Variants in ZNF445 observed in about 807,000 individuals in gnomAD.
The protein encoded by ZNF445 is zinc finger protein 445.
A neutral mutation model predicts 93.9 loss-of-function variants in ZNF445; 19 were observed. That is an observed-to-expected ratio of 0.20 (90% CI 0.14 to 0.30). The LOEUF (loss-of-function observed/expected upper bound fraction) is 0.30, where lower values mean the gene tolerates loss of function less well. ZNF445 is among the 10% of genes least tolerant of loss of function. The pLI is 1.00. For synonymous variants in ZNF445, 449 were observed against 446.3 expected (o/e 1.01, Z -0.08); for missense variants, 1,058 against 1,259.4 (o/e 0.84, Z 2.42).
At chr3:44,465,923 C>A (rs951344188) in intron 1 of ZNF445, among the ~76,000 whole-genome samples, 4 of 151,832 alleles carry the variant, frequency 2.6e-5, no homozygotes, top group Non-Finnish European at 1.5e-5. Flanking sequence ...CAAAAAAAAA[C>A]CAAAAAACAA....
At position 44,440,377 on chromosome 3, in the gene ZNF445, T is replaced by A. The variant is rs915207297; in HGVS notation, c.*6198A>T. The stretch of plus-strand genomic sequence containing the variant: ...GGATCCCATTTCTTCATTAAAATTA[T>A]GAGTTTACAGCTTCTGGCTTCACTT... On this transcript the variant is annotated 3_prime_UTR_variant, in exon 8 of 8. Transcript: ENST00000396077. 1 of 152,240 alleles carries A rather than the reference T, an allele frequency of 6.6e-6. No homozygotes were observed. The highest frequency in any genetic ancestry group is 2.4e-5 in the African/African-American group (1 of 41,468). 9.4% of individuals were successfully genotyped at this position (152,240 alleles called of 1,614,324 possible). A position where few individuals can be genotyped will look rare whatever the true frequency, so the allele number is the denominator to read the frequency against.
chr3:44,452,822 A>G (rs1041225513), intron 3 of ZNF445, among the ~76,000 whole-genome samples: 5 of 151,546 alleles, frequency 3.3e-5, no homozygotes, highest in African/African-American at 1.2e-4. Flanking sequence ...ATTTATTACC[A>G]TTTACTGCTG....
chr3:44,440,466 G>A lies in ZNF445; in HGVS notation c.*6109C>T, dbSNP rs1175112404. On this transcript the variant is annotated 3_prime_UTR_variant, in exon 8 of 8. Transcript: ENST00000396077. Reference sequence around the variant, plus strand: ...AGGAGCTTATAATTTCCTATAAAGTGCATGTCTTGGTGACTGTGCGTCAGT... The same window carrying A: ...AGGAGCTTATAATTTCCTATAAAGTACATGTCTTGGTGACTGTGCGTCAGT... The A allele has an allele frequency of 6.6e-6, 1 of 152,150 alleles. No homozygotes were observed. Among genetic ancestry groups the A allele is most frequent in the African/African-American group, 2.4e-5 (1 of 41,428 alleles). 9.4% of individuals were successfully genotyped at this position (152,150 alleles called of 1,614,324 possible).
In ZNF445 at chr3:44,445,575, ATC is replaced by A. The variant is rs1273098915; in HGVS notation, c.*998_*999del. ...TCCTGAGGACACCAGTCAAGACCCA[ATC>A]TCCTCTGCCTGCAACTCTCCCTAGA... On this transcript the variant is annotated 3_prime_UTR_variant, in exon 8 of 8. Transcript: ENST00000396077. The A allele has an allele frequency of 6.6e-6, 1 of 152,230 alleles. No individual in the cohort carries two copies. The highest frequency in any genetic ancestry group is 1.9e-4 in the East Asian group (1 of 5,164). The allele number at this position is 152,230 out of a possible 1,614,324, so 9.4% of individuals were successfully genotyped here.
chr3:44,462,566 G>A (rs867594032), intron 1 of ZNF445, among the ~76,000 whole-genome samples: 1 of 151,652 alleles, frequency 6.6e-6, no homozygotes, highest in Admixed American at 6.6e-5. Flanking sequence ...TTTTATTTAT[G>A]TAACTTTGCC....
At chr3:44,449,760 C>G in intron 6 of ZNF445, 137 bp from the exon 7 acceptor site, 1 of 661,320 alleles carries the variant, frequency 1.5e-6, no homozygotes, top group Non-Finnish European at 2.7e-6. Flanking sequence ...CGAAGGAGGC[C>G]CAGTCATTTC....
chr3:44,473,183 C>T (rs904652127), intron 1 of ZNF445, among the ~76,000 whole-genome samples: 3 of 152,050 alleles, frequency 2.0e-5, no homozygotes, highest in Admixed American at 6.5e-5. Flanking sequence ...GCAGGCCGGG[C>T]GCAGTGGCTC....
In ZNF445 at chr3:44,448,347, C is replaced by T. The variant is rs748922800; in HGVS notation, c.1324G>A (p.Gly442Arg). 2.7e-5 allele frequency: 43 copies of T among 1,614,220 alleles called. No individual in the cohort carries two copies. The highest frequency in any genetic ancestry group is 3.5e-5 in the Non-Finnish European group (41 of 1,180,034). Residue 442 changes from glycine (G) to arginine (R), a missense_variant, in exon 8 of 8, where the codon GGG (glycine) becomes AGG (arginine). This residue lies in a region of ZNF445 where 657 missense variants were observed against 746.4 expected (regional missense o/e 0.88). Coordinates refer to ENST00000396077, the MANE Select transcript of ZNF445 (RefSeq NM_181489.6). ...ATTCTCTGATGTAGGCTGAAGCCCCCAATCATGTGTCTGAGCCCCTTCCCA... is the reference window on the plus strand; with the variant it reads ...ATTCTCTGATGTAGGCTGAAGCCCCTAATCATGTGTCTGAGCCCCTTCCCA... Reference protein sequence around the residue: ...KYGKGLRHMIGGFSLHQRIHS... With the variant: ...KYGKGLRHMIRGFSLHQRIHS...
rs112735504 is a variant in ZNF445, at chr3:44,433,878, T to G, written c.*12697A>C. 1 of 152,158 alleles carries G rather than the reference T, an allele frequency of 6.6e-6. No individual in the cohort carries two copies. Among genetic ancestry groups the G allele is most frequent in the African/African-American group, 2.4e-5 (1 of 41,406 alleles). The allele number at this position is 152,158 out of a possible 1,614,324, so 9.4% of individuals were successfully genotyped here. ...ACATCATGCACTGCACCTGGCAAAA[T>G]AGCCGGTCCTGATCAGGTCTCAAGG... On this transcript the variant is annotated 3_prime_UTR_variant, in exon 8 of 8. Coordinates refer to ENST00000396077, the MANE Select transcript of ZNF445 (RefSeq NM_181489.6).
rs1312005097 is a variant in ZNF445, at chr3:44,444,202, A to T, written c.*2373T>A. On this transcript the variant is annotated 3_prime_UTR_variant, in exon 8 of 8. Transcript: ENST00000396077. ...GGAACTTTACAAGGTATCCTGTGGC[A>T]AAGGGAGCAGAGATGGGGGGAAAGG... 6.6e-6 allele frequency: 1 copy of T among 152,238 alleles called. No homozygotes were observed. The highest frequency in any genetic ancestry group is 1.5e-5 in the Non-Finnish European group (1 of 68,074). 9.4% of individuals were successfully genotyped at this position (152,238 alleles called of 1,614,324 possible).
In ZNF445 at chr3:44,434,738, A is replaced by G. The variant is rs998516388; in HGVS notation, c.*11837T>C. On this transcript the variant is annotated 3_prime_UTR_variant, in exon 8 of 8. Coordinates refer to ENST00000396077, the MANE Select transcript of ZNF445 (RefSeq NM_181489.6). ...GGTCTTTACTCACAGGTATAGAGAA[A>G]CATTCACCAGATGGGTAACTGGGCA... is the stretch of plus-strand genomic sequence containing the variant. The G allele has an allele frequency of 2.0e-5, 3 of 152,190 alleles. No individual in the cohort carries two copies. Among genetic ancestry groups the G allele is most frequent in the African/African-American group, 7.2e-5 (3 of 41,434 alleles). 9.4% of individuals were successfully genotyped at this position (152,190 alleles called of 1,614,324 possible). A position where few individuals can be genotyped will look rare whatever the true frequency, so the allele number is the denominator to read the frequency against.
intron 3 of ZNF445, chr3:44,454,852 A>G: frequency 2.0e-6 from 1 of 489,484 alleles, no homozygotes; most frequent in East Asian, 3.8e-5. Context: ...TACATGTGTG[A>G]GCCACTGTGC....
chr3:44,457,123 C>A (rs1698038944), intron 2 of ZNF445, among the ~76,000 whole-genome samples: 1 of 152,076 alleles, frequency 6.6e-6, no homozygotes, highest in Non-Finnish European at 1.5e-5. Flanking sequence ...GGTAACAGAG[C>A]GAGACTCCAT....
chr3:44,462,935 C>CT (rs376789680), intron 1 of ZNF445, among the ~76,000 whole-genome samples: 24 of 145,740 alleles, frequency 1.6e-4, no homozygotes, highest in South Asian at 8.8e-4. Context: ...TTTAAAAGGC[C>CT]TTTTTTTTTT....
In ZNF445 at chr3:44,446,666, C is replaced by T; in HGVS notation, c.3005G>A (p.Arg1002Gln). 6.2e-7 allele frequency: 1 copy of T among 1,614,202 alleles called. No homozygotes were observed. Among genetic ancestry groups the T allele is most frequent in the Non-Finnish European group, 8.5e-7 (1 of 1,180,046 alleles). The part of the protein sequence containing the change: ...QLISHKRFHT[R>Q]ERPFKCSKCG... ...CTTGCTGCATTTGAAGGGCCTCTCTCGAGTATGAAATCTCTTGTGGCTAAT... is the reference window on the plus strand; with the variant it reads ...CTTGCTGCATTTGAAGGGCCTCTCTTGAGTATGAAATCTCTTGTGGCTAAT... The change falls in exon 8 of 8, where the codon CGA (arginine) becomes CAA (glutamine). Residue 1002 changes from arginine to glutamine, a missense_variant. Coordinates refer to ENST00000396077, the MANE Select transcript of ZNF445 (RefSeq NM_181489.6). This position sits in a 1 kb window ranked among gnomAD's most constrained non-coding sequence, Gnocchi z 4.2.
intron 3 of ZNF445, among the ~76,000 whole-genome samples, chr3:44,452,693 T>C (rs943794156): frequency 6.6e-6 from 1 of 152,218 alleles, no homozygotes; most frequent in African/African-American, 2.4e-5. Flanking sequence ...TATAAATTAT[T>C]ATCAGGTCCT....
intron 6 of ZNF445, 129 bp downstream of exon 6, chr3:44,450,318 T>A: frequency 8.8e-7 from 1 of 1,132,026 alleles, no homozygotes; most frequent in Non-Finnish European, 1.3e-6. Context: ...GGTGCTAGAT[T>A]AAGTGATCTG....
chr3:44,448,228 C>A lies in ZNF445; in HGVS notation c.1443G>T (p.Val481=). 2 of 1,614,208 alleles carry A rather than the reference C, an allele frequency of 1.2e-6. No homozygotes were observed. Among genetic ancestry groups the A allele is most frequent in the Non-Finnish European group, 1.7e-6 (2 of 1,180,042 alleles). The change falls in exon 8 of 8, where the codon GTG becomes GTT. Residue 481 remains valine, a synonymous_variant. Transcript: ENST00000396077. ...AGTCACTGCACTTAAATGACACTCC[C>A]ACTGTGTGAAGACTCTGCCCACGTT... is the stretch of plus-strand genomic sequence containing the variant. ...HHQRGQSLHT[V]GVSFKCSDCG...
At chr3:44,456,306 A>G (rs1698027324) in intron 2 of ZNF445, among the ~76,000 whole-genome samples, 1 of 152,118 alleles carries the variant, frequency 6.6e-6, no homozygotes, top group Non-Finnish European at 1.5e-5. Flanking sequence ...AATCCCAGCT[A>G]CTCAGGAAGC....
Sources: allele counts gnomAD v4.1 joint callset (sites outside exome capture counted in the v4.1 genomes callset), GRCh38; gene constraint gnomAD v4.1.1; regional missense constraint gnomAD v4.1.1; non-coding constraint Gnocchi (gnomAD v3.1); transcripts MANE v1.5; gene names NCBI Gene and HGNC (gene_info 2026-07-23, HGNC 2026-07-21).